DCP1B: variants seen among roughly 807,000 people sequenced by gnomAD.
The protein encoded by DCP1B is decapping mRNA 1B, also known as mRNA-decapping enzyme 1B.
Under a neutral mutation model 60.5 loss-of-function variants are expected in DCP1B, and 47 were observed. The observed-to-expected ratio is 0.78, with a 90% confidence interval of 0.61 to 0.99. The LOEUF (loss-of-function observed/expected upper bound fraction) is 0.99. Among genes scored for constraint, DCP1B ranks in the 50% least tolerant of loss-of-function variants. The pLI is 0.00. For synonymous variants in DCP1B, 267 were observed against 280.3 expected, an observed-to-expected ratio of 0.95 and a Z score of 0.47; for missense variants, 725 against 756.8, an observed-to-expected ratio of 0.96 and a Z score of 0.49.
chr12:1,993,627 G>GGTGTGTGTGTGTGTGTGTGTGT (rs150056084), intron 2 of DCP1B, among the ~76,000 whole-genome samples: 2 of 146,584 alleles, frequency 1.4e-5, no homozygotes, highest in Non-Finnish European at 1.5e-5. Context: ...CTTCATTTGT[G>GGTGTGTGTGTGTGTGTGTGTGT]GTGTGTGTGT....
chr12:1,945,739 T>C (rs545937273), downstream of DCP1B, among the ~76,000 whole-genome samples: 43 of 152,186 alleles, frequency 2.8e-4, no homozygotes, highest in South Asian at 2.1e-4. Context: ...TGCAGGGGCA[T>C]GGATGAAGCT....
At chr12:1,976,664 G>T (rs1488248943) in intron 3 of DCP1B, among the ~76,000 whole-genome samples, 1 of 152,146 alleles carries the variant, frequency 6.6e-6, no homozygotes, top group African/African-American at 2.4e-5. Context: ...TAGCCATATA[G>T]TTACTTTAAA....
Position 1,965,695 on chromosome 12 carries a change from T to C in DCP1B, c.387-2A>G. The C allele has an allele frequency of 3.7e-6, 6 of 1,600,600 alleles. No homozygotes were observed. Among genetic ancestry groups the C allele is most frequent in the Non-Finnish European group, 5.1e-6 (6 of 1,175,770 alleles). The stretch of plus-strand genomic sequence containing the variant: ...TTCAACTGTTCATACTGAGTTAGGC[T>C]AGAAAAACAGAGGGGAAAATCCACA... On this transcript the variant is annotated splice_acceptor_variant, in intron 4 of 8. Coordinates refer to ENST00000280665, the MANE Select transcript of DCP1B (RefSeq NM_152640.5). LOFTEE classifies it high-confidence loss of function.
intron 2 of DCP1B, 145 bp downstream of exon 2, chr12:1,997,790 G>A (rs372728456): frequency 4.7e-5 from 32 of 675,670 alleles, no homozygotes; most frequent in South Asian, 1.5e-4. Context: ...TCCCTTCTTC[G>A]TGTCAACTAA....
chr12:1,950,086 A>G, intron 7 of DCP1B: 1 of 505,526 alleles, frequency 2.0e-6, no homozygotes, highest in Non-Finnish European at 3.5e-6. Flanking sequence ...TCAGGGAAGA[A>G]AAAGAATGTT....
intron 3 of DCP1B, among the ~76,000 whole-genome samples, chr12:1,975,981 A>G (rs1459020713): frequency 3.9e-5 from 6 of 152,192 alleles, no homozygotes; most frequent in Admixed American, 2.6e-4. Flanking sequence ...TCAAGGAACT[A>G]TCTGGTGTCA....
chr12:1,998,089 C>T, intron 1 of DCP1B, 114 bp from the exon 2 acceptor site: 1 of 805,798 alleles, frequency 1.2e-6, no homozygotes, highest in Non-Finnish European at 1.9e-6. Flanking sequence ...GCCAAATATA[C>T]CCAACATGAG....
At chr12:1,993,571 T>C (rs902074478) in intron 2 of DCP1B, among the ~76,000 whole-genome samples, 180 bp from the exon 3 acceptor site, 2 of 152,064 alleles carry the variant, frequency 1.3e-5, no homozygotes, top group African/African-American at 4.8e-5. Flanking sequence ...TCCCATGTAA[T>C]GCAGCAGCAC....
chr12:1,996,169 A>G (rs1180205748), intron 2 of DCP1B, among the ~76,000 whole-genome samples: 5 of 152,044 alleles, frequency 3.3e-5, no homozygotes, highest in Non-Finnish European at 7.4e-5. Flanking sequence ...CCTGACTCCA[A>G]TTTCTTCCAG....
At chr12:2,004,093 A>G in intron 1 of DCP1B, 189 bp downstream of exon 1, 3 of 773,472 alleles carry the variant, frequency 3.9e-6, no homozygotes, top group Non-Finnish European at 6.1e-6. Context: ...AGGTAGCTCC[A>G]CAGATCCGCC....
intron 1 of DCP1B, among the ~76,000 whole-genome samples, chr12:2,001,546 T>C (rs1450167166): frequency 1.3e-5 from 2 of 152,216 alleles, no homozygotes; most frequent in African/African-American, 4.8e-5. Context: ...GCAATCTCTA[T>C]TTTAACTTGA....
chr12:1,965,604 A>G lies in DCP1B; in HGVS notation c.476T>C (p.Val159Ala), dbSNP rs1163348012. The G allele has an allele frequency of 2.5e-6, 4 of 1,613,738 alleles. No homozygotes were observed. Among genetic ancestry groups the G allele is most frequent in the Non-Finnish European group, 3.4e-6 (4 of 1,179,894 alleles). The change falls in exon 5 of 9, where the codon GTA becomes GCA. Residue 159 changes from valine to alanine, a missense_variant. Physicochemically the swap from Val to Ala is moderately conservative, Grantham distance 64. Coordinates refer to ENST00000280665, the MANE Select transcript of DCP1B (RefSeq NM_152640.5). ...CTTGATGAGCATTCGTAAAATGTCT[A>G]CTTCTTTGCCCTCTCCTGAATTGAG... is the stretch of plus-strand genomic sequence containing the variant. The part of the protein sequence containing the change: ...VILNSGEGKE[V>A]DILRMLIKAK...
intron 1 of DCP1B, 164 bp downstream of exon 1, chr12:2,004,118 C>A: frequency 2.1e-6 from 2 of 964,392 alleles, no homozygotes; most frequent in Admixed American, 5.3e-5. Context: ...TTCCCCCAAA[C>A]CCCCGAGACC....
intron 7 of DCP1B, among the ~76,000 whole-genome samples, chr12:1,950,793 C>T (rs2030638561): frequency 6.6e-6 from 1 of 152,138 alleles, no homozygotes; most frequent in African/African-American, 2.4e-5. Context: ...ACCACAGTGG[C>T]ATGCCACCAT....
chr12:2,000,922 G>A (rs965460716), intron 1 of DCP1B, among the ~76,000 whole-genome samples: 2 of 151,954 alleles, frequency 1.3e-5, no homozygotes, highest in Non-Finnish European at 1.5e-5. Context: ...CTGTAATCCT[G>A]GATACTCTGG....
intron 1 of DCP1B, 160 bp downstream of exon 1, chr12:2,004,122 C>G: frequency 1.9e-6 from 2 of 1,041,274 alleles, no homozygotes; most frequent in Non-Finnish European, 2.8e-6. Flanking sequence ...CCCAAACCCC[C>G]GAGACCCCAT....
intron 6 of DCP1B, among the ~76,000 whole-genome samples, chr12:1,953,840 C>T (rs1020455426): frequency 6.6e-6 from 1 of 152,226 alleles, no homozygotes; most frequent in Non-Finnish European, 1.5e-5. Context: ...AGTTACAAAG[C>T]TACTTCCTTC....
chr12:1,996,044 T>C (rs2154476234), intron 2 of DCP1B, among the ~76,000 whole-genome samples: 1 of 152,336 alleles, frequency 6.6e-6, no homozygotes, highest in African/African-American at 2.4e-5. Flanking sequence ...ATGTTCAAAA[T>C]ATTGTCATTT....
chr12:1,947,976 C>CT (rs1394242201), intron 8 of DCP1B, among the ~76,000 whole-genome samples: 1 of 152,152 alleles, frequency 6.6e-6, no homozygotes, highest in Admixed American at 6.5e-5. Flanking sequence ...AACATGGAAC[C>CT]TTTTTAAAAA....
Sources: allele counts gnomAD v4.1 joint callset (sites outside exome capture counted in the v4.1 genomes callset), GRCh38; gene constraint gnomAD v4.1.1; transcripts MANE v1.5; gene names NCBI Gene and HGNC (gene_info 2026-07-23, HGNC 2026-07-21).